The following ZC3H12B variants were observed in gnomAD, a reference collection of about 807,000 sequenced individuals.
ZC3H12B encodes the protein zinc finger CCCH-type containing 12B, also known as probable ribonuclease ZC3H12B.
ZC3H12B carries 7 observed loss-of-function variants against 43.9 expected under a neutral mutation model. The observed-to-expected ratio is 0.16, with a 90% CI of 0.09 to 0.30. The LOEUF (loss-of-function observed/expected upper bound fraction) is 0.30, where lower values mean the gene tolerates loss of function less well. ZC3H12B is among the 10% of genes least tolerant of loss of function. The pLI is 1.00. For missense variants in ZC3H12B, 475 were observed against 670.2 expected (o/e 0.71, Z 3.22); for synonymous variants, 222 against 241.7 (o/e 0.92, Z 0.76).
chrX:65,113,915 A>T, the ZC3H12B span, among the ~76,000 whole-genome samples: 1 of 97,067 alleles, frequency 1.0e-5, no homozygotes, highest in Non-Finnish European at 2.1e-5. Flanking sequence ...AATTTATGTG[A>T]CTCACTTTAT....
the ZC3H12B span, among the ~76,000 whole-genome samples, chrX:65,187,658 T>TC: frequency 2.8e-5 from 3 of 108,637 alleles, no homozygotes; most frequent in East Asian, 8.5e-4. Flanking sequence ...GATTTTACTT[T>TC]TTTTTTTTTT....
Position 65,473,409 on chromosome X carries a change from A to T in ZC3H12B, n.408-15237A>T, listed in dbSNP as rs1026627872. ...GCTATTCAGGGTCTTTTATGGTTTC[A>T]TATGATTTATGGAGTGTATTCCATT... On this transcript the variant is annotated intron_variant and non_coding_transcript_variant, in intron 3 of 5. Coordinates refer to the ZC3H12B transcript ENST00000617377. Among the ~76,000 whole-genome samples, 9 of 111,904 alleles carry T rather than the reference A, an allele frequency of 8.0e-5. No homozygotes were observed. In the East Asian group the frequency reaches 2.5e-3, roughly 31 times the overall value.
chrX:65,441,949 G>A (rs1034296816), intron 3 of ZC3H12B, among the ~76,000 whole-genome samples: 2 of 108,915 alleles, frequency 1.8e-5, no homozygotes, highest in Non-Finnish European at 3.8e-5. Flanking sequence ...AATTTAGAGT[G>A]ACACTGATGA....
At chrX:65,415,753 T>C (rs1318379592) in intron 3 of ZC3H12B, among the ~76,000 whole-genome samples, 2 of 112,215 alleles carry the variant, frequency 1.8e-5, no homozygotes, top group African/African-American at 6.5e-5. Flanking sequence ...AATTAACTTC[T>C]CTGAACCTTA....
At chrX:65,215,610 T>C in the ZC3H12B span, among the ~76,000 whole-genome samples, 1 of 111,383 alleles carries the variant, frequency 9.0e-6, no homozygotes, top group Non-Finnish European at 1.9e-5. Context: ...TCCAGACCAC[T>C]AAAACTTTCT....
chrX:65,293,056 A>G, the ZC3H12B span, among the ~76,000 whole-genome samples: 1 of 112,275 alleles, frequency 8.9e-6, no homozygotes, highest in East Asian at 2.8e-4. Flanking sequence ...ATTCCTGTAA[A>G]TAATTCATAG....
the ZC3H12B span, among the ~76,000 whole-genome samples, chrX:65,160,055 T>C: frequency 8.9e-6 from 1 of 112,226 alleles, no homozygotes; most frequent in Non-Finnish European, 1.9e-5. Context: ...GATTATATGT[T>C]GGATTACATT....
chrX:65,388,171 A>T (rs1476289664), intron 2 of ZC3H12B, among the ~76,000 whole-genome samples: 6 of 111,193 alleles, frequency 5.4e-5, no homozygotes, highest in Admixed American at 4.8e-4. Context: ...GTATTTCCTG[A>T]ATTTGAATGT....
chrX:65,172,365 C>T, the ZC3H12B span, among the ~76,000 whole-genome samples: 2 of 110,088 alleles, frequency 1.8e-5, no homozygotes, highest in Non-Finnish European at 3.8e-5. Context: ...AAAAATTTTT[C>T]CATTCTATAT....
At chrX:65,114,814 G>A in the ZC3H12B span, among the ~76,000 whole-genome samples, 12 of 108,507 alleles carry the variant, frequency 1.1e-4, no homozygotes, top group African/African-American at 4.0e-4. Context: ...AGGTTCTTGA[G>A]GTGGGAGCTC....
At chrX:65,172,552 T>A in the ZC3H12B span, among the ~76,000 whole-genome samples, 3 of 112,368 alleles carry the variant, frequency 2.7e-5, no homozygotes, top group Non-Finnish European at 3.8e-5. Context: ...ATTTTTATGG[T>A]TTTGGGTTTT....
the ZC3H12B span, among the ~76,000 whole-genome samples, chrX:65,207,468 C>T: frequency 9.1e-6 from 1 of 110,400 alleles, no homozygotes; most frequent in African/African-American, 3.3e-5. Flanking sequence ...TGACAATGCA[C>T]TTAAAGGGCT....
the ZC3H12B span, among the ~76,000 whole-genome samples, chrX:65,318,634 C>A: frequency 9.0e-6 from 1 of 110,737 alleles, no homozygotes; most frequent in East Asian, 2.8e-4. Context: ...TGACCAGGCT[C>A]GTCTTGAACT....
At chrX:65,121,533 TTC>T in the ZC3H12B span, among the ~76,000 whole-genome samples, 1 of 111,802 alleles carries the variant, frequency 8.9e-6, no homozygotes, top group Admixed American at 9.5e-5. Context: ...TATTTGATTC[TTC>T]TCTCTTTTCT....
the ZC3H12B span, among the ~76,000 whole-genome samples, chrX:65,234,472 C>A: frequency 8.9e-6 from 1 of 111,737 alleles, no homozygotes; most frequent in African/African-American, 3.3e-5. Flanking sequence ...CCCACTTTCA[C>A]CACTATTATT....
the ZC3H12B span, among the ~76,000 whole-genome samples, chrX:65,061,111 T>C: frequency 8.9e-6 from 1 of 111,983 alleles, no homozygotes; most frequent in African/African-American, 3.2e-5. Context: ...AGTTGTAATG[T>C]ATCCTTTTTC....
intron 3 of ZC3H12B, among the ~76,000 whole-genome samples, chrX:65,403,052 T>C (rs1239927114): frequency 8.9e-6 from 1 of 112,145 alleles, no homozygotes; most frequent in African/African-American, 3.2e-5. Context: ...AAAATAGCTG[T>C]GTTGAGGAAA....
chrX:65,284,757 A>G, the ZC3H12B span, among the ~76,000 whole-genome samples: 1 of 110,575 alleles, frequency 9.0e-6, no homozygotes, highest in Admixed American at 9.6e-5. Flanking sequence ...GTGAAACTCC[A>G]TCTCAAAAAA....
chrX:65,272,541 G>A, the ZC3H12B span: 1 of 111,771 alleles, frequency 8.9e-6, no homozygotes, highest in Non-Finnish European at 1.9e-5. Flanking sequence ...AAGACTGCAG[G>A]CTGTGCAGGC....
Sources: allele counts gnomAD v4.1 joint callset (sites outside exome capture counted in the v4.1 genomes callset), GRCh38; gene constraint gnomAD v4.1.1; transcripts MANE v1.5; gene names NCBI Gene and HGNC (gene_info 2026-07-23, HGNC 2026-07-21).